The following CSGALNACT1 variants were observed in gnomAD, a reference collection of about 807,000 sequenced individuals.
The protein encoded by CSGALNACT1 is chondroitin sulfate N-acetylgalactosaminyltransferase 1, also known as beta4GalNAcT-1.
A neutral mutation model predicts 51.0 loss-of-function variants in CSGALNACT1; 52 were observed. The ratio of observed to expected loss-of-function variants is 1.02; its 90% CI spans 0.82 to 1.29. CSGALNACT1 has a LOEUF of 1.29. CSGALNACT1 is among the 50% of genes most tolerant of loss of function. CSGALNACT1 has a pLI of 0.00. For missense variants in CSGALNACT1, 935 were observed against 679.2 expected, an observed-to-expected ratio of 1.38 and a Z score of -4.19; for synonymous variants, 341 against 254.4, an observed-to-expected ratio of 1.34 and a Z score of -3.24.
At chr8:19,446,251 G>C (rs137953067) in intron 5 of CSGALNACT1, among the ~76,000 whole-genome samples, 1 of 152,130 alleles carries the variant, frequency 6.6e-6, no homozygotes, top group Non-Finnish European at 1.5e-5. Flanking sequence ...TCAAACTCCG[G>C]GCTTTGCACG....
intron 1 of CSGALNACT1, among the ~76,000 whole-genome samples, chr8:19,648,913 T>G (rs779183108): frequency 6.6e-6 from 1 of 152,208 alleles, no homozygotes; most frequent in Non-Finnish European, 1.5e-5. Context: ...ACAAATGCAG[T>G]AGCTCTATAC....
At chr8:19,686,837 A>G (rs1248941548), upstream of CSGALNACT1, among the ~76,000 whole-genome samples, 2 of 152,170 alleles carry the variant, frequency 1.3e-5, no homozygotes, top group Non-Finnish European at 2.9e-5. Flanking sequence ...AGGTGACGTC[A>G]CAGAGTCATC....
chr8:19,491,020 C>T (rs2074250932), intron 4 of CSGALNACT1, among the ~76,000 whole-genome samples: 1 of 151,494 alleles, frequency 6.6e-6, no homozygotes, highest in Non-Finnish European at 1.5e-5. Context: ...CAAAGTATAA[C>T]AGCAACAGAA....
intron 4 of CSGALNACT1, among the ~76,000 whole-genome samples, chr8:19,491,537 A>G (rs2074359896): frequency 6.6e-6 from 1 of 152,226 alleles, no homozygotes; most frequent in African/African-American, 2.4e-5. Context: ...AAATTGTGAA[A>G]ATTCGTATTT....
chr8:19,610,699 C>G (rs1029633577), intron 1 of CSGALNACT1, among the ~76,000 whole-genome samples: 1 of 152,180 alleles, frequency 6.6e-6, no homozygotes, highest in East Asian at 1.9e-4. Flanking sequence ...CCCACTCTAC[C>G]CACTTCTGAC....
chr8:19,732,083 G>C (rs1563164400), intron 1 of CSGALNACT1, among the ~76,000 whole-genome samples: 1 of 152,148 alleles, frequency 6.6e-6, no homozygotes, highest in Non-Finnish European at 1.5e-5. Flanking sequence ...AAGAGAATTA[G>C]GTAACGTAAG....
intron 3 of CSGALNACT1, among the ~76,000 whole-genome samples, chr8:19,547,658 C>A (rs112842384): frequency 0.031 from 4,645 of 152,180 alleles, 246 homozygotes; most frequent in African/African-American, 0.11. Flanking sequence ...TACCCAGTCT[C>A]GGGTATATCT....
In CSGALNACT1 at chr8:19,426,899, G is replaced by A. The variant is rs367859675; in HGVS notation, c.954-6381C>T. 4.6e-5 allele frequency among the ~76,000 whole-genome samples: 7 copies of A among 152,196 alleles called. No homozygotes were observed. The East Asian group carries it at 5.8e-4, about 13-fold the overall frequency. Reference sequence around the variant, plus strand: ...TGCAAGGATAGTCTCTTCATGTAACGCTTCTCACAATAGCCTTTCATTGTA... The same window carrying A: ...TGCAAGGATAGTCTCTTCATGTAACACTTCTCACAATAGCCTTTCATTGTA... On this transcript the variant is annotated intron_variant, in intron 6 of 9. Transcript: ENST00000454498.
chr8:19,505,462 G>T, exon 4 of CSGALNACT1: 1 of 1,614,182 alleles, frequency 6.2e-7, no homozygotes, highest in Non-Finnish European at 8.5e-7. Context: ...ACCTGCGAGT[G>T]CAGGAAGGCC....
chr8:19,511,633 G>A (rs1462743583), intron 3 of CSGALNACT1, among the ~76,000 whole-genome samples: 1 of 152,082 alleles, frequency 6.6e-6, no homozygotes, highest in African/African-American at 2.4e-5. Flanking sequence ...GCCCTCAATG[G>A]TCCCTGCCTC....
intron 3 of CSGALNACT1, among the ~76,000 whole-genome samples, chr8:19,543,942 G>A (rs543159811): frequency 3.1e-4 from 47 of 152,134 alleles, no homozygotes; most frequent in Non-Finnish European, 5.9e-4. Flanking sequence ...GGAAAAGACG[G>A]TGCCAGTATT....
At chr8:19,460,636 AG>A (rs2065156196) in intron 4 of CSGALNACT1, among the ~76,000 whole-genome samples, 1 of 152,220 alleles carries the variant, frequency 6.6e-6, no homozygotes, top group African/African-American at 2.4e-5. Context: ...GTGGAGTTTC[AG>A]TTACAGTGAC....
At chr8:19,691,729 T>G (rs2061333618) in intron 1 of CSGALNACT1, among the ~76,000 whole-genome samples, 1 of 152,174 alleles carries the variant, frequency 6.6e-6, no homozygotes, top group African/African-American at 2.4e-5. Flanking sequence ...GCTCCTCTGC[T>G]GTAAGATGGA....
At chr8:19,557,051 T>G (rs531354279) in intron 3 of CSGALNACT1, among the ~76,000 whole-genome samples, 3 of 152,084 alleles carry the variant, frequency 2.0e-5, no homozygotes, top group African/African-American at 7.2e-5. Flanking sequence ...AATTCAATCT[T>G]GGGAACATAT....
intron 1 of CSGALNACT1, among the ~76,000 whole-genome samples, chr8:19,643,249 G>A (rs1264461152): frequency 6.6e-6 from 1 of 152,122 alleles, no homozygotes; most frequent in African/African-American, 2.4e-5. Context: ...CTAGGACAAT[G>A]CTTTCAGCTA....
At chr8:19,675,734 C>A (rs2060128101) in intron 1 of CSGALNACT1, among the ~76,000 whole-genome samples, 1 of 152,086 alleles carries the variant, frequency 6.6e-6, no homozygotes, top group African/African-American at 2.4e-5. Flanking sequence ...CCTCGTGATC[C>A]ACCTCAGCCT....
At chr8:19,484,050 C>A (rs184193457) in intron 4 of CSGALNACT1, among the ~76,000 whole-genome samples, 20 of 152,294 alleles carry the variant, frequency 1.3e-4, no homozygotes, top group Non-Finnish European at 1.3e-4. Context: ...TGGACACTAT[C>A]CCCCAAACAG....
intron 3 of CSGALNACT1, among the ~76,000 whole-genome samples, chr8:19,566,978 C>T (rs1168975892): frequency 1.3e-5 from 2 of 152,218 alleles, no homozygotes; most frequent in East Asian, 1.9e-4. Flanking sequence ...GCCCTCTGCA[C>T]AGCTCTGTGC....
rs1168462895 is a variant in CSGALNACT1, at chr8:19,471,306, G to C, written c.635-12664C>G. Among the ~76,000 whole-genome samples, 9 of 152,220 alleles carry C rather than the reference G, an allele frequency of 5.9e-5. No individual in the cohort carries two copies. The East Asian group carries it at 1.7e-3, about 29-fold the overall frequency. ...AGCCTACCCTAAGGGGTGAATCATGGGGAAGAGGCGAGCCTATAAAATCCC... is the reference window on the plus strand; with the variant it reads ...AGCCTACCCTAAGGGGTGAATCATGCGGAAGAGGCGAGCCTATAAAATCCC... On this transcript the variant is annotated intron_variant, in intron 4 of 9. Transcript: ENST00000454498.
Sources: allele counts gnomAD v4.1 joint callset (sites outside exome capture counted in the v4.1 genomes callset), GRCh38; gene constraint gnomAD v4.1.1; transcripts MANE v1.5; gene names NCBI Gene and HGNC (gene_info 2026-07-23, HGNC 2026-07-21).